Variants in CDC42BPA observed in about 807,000 individuals in gnomAD.
CDC42BPA encodes the protein CDC42 binding protein kinase alpha, also known as serine/threonine-protein kinase MRCK alpha.
Under a neutral mutation model 223.5 loss-of-function variants are expected in CDC42BPA, and 80 were observed. That is an observed-to-expected ratio of 0.36 (90% CI 0.30 to 0.43). CDC42BPA has a LOEUF of 0.43. Ranked by LOEUF, CDC42BPA falls within the 20% of genes least tolerant of loss-of-function variation. The pLI is 1.00. For missense variants in CDC42BPA, 1,743 were observed against 2,099.9 expected, an observed-to-expected ratio of 0.83 and a Z score of 3.32; for synonymous variants, 694 against 718.6, an observed-to-expected ratio of 0.97 and a Z score of 0.55.
At chr1:227,023,824 C>T (rs1275762500) in intron 31 of CDC42BPA, among the ~76,000 whole-genome samples, 5 of 151,986 alleles carry the variant, frequency 3.3e-5, no homozygotes, top group East Asian at 1.9e-4. Flanking sequence ...AAAACATAAA[C>T]GTAATAGGCT....
At chr1:227,062,975 C>G (rs1407843335) in intron 21 of CDC42BPA, among the ~76,000 whole-genome samples, 1 of 152,066 alleles carries the variant, frequency 6.6e-6, no homozygotes, top group Non-Finnish European at 1.5e-5. Context: ...CCGAAACTAT[C>G]TTTGAAAATG....
Position 226,994,899 on chromosome 1 carries a change from G to A in CDC42BPA, c.5057C>T (p.Ser1686Phe). 6.2e-7 allele frequency: 1 copy of A among 1,614,054 alleles called. No homozygotes were observed. Among genetic ancestry groups the A allele is most frequent in the Non-Finnish European group, 8.5e-7 (1 of 1,179,922 alleles). ...AGAGGACAAAGAGCCCTCTGACGGGGAGGGCATGGGCTGCCGCTTGGCACT... is the reference window on the plus strand; with the variant it reads ...AGAGGACAAAGAGCCCTCTGACGGGAAGGGCATGGGCTGCCGCTTGGCACT... ...SYSAKRQPMP[S>F]PSEGSLSSGG... The change falls in exon 36 of 37, where the codon TCC (serine) becomes TTC (phenylalanine). Residue 1686 changes from serine (S) to phenylalanine (F), a missense_variant. Transcript: ENST00000366766. The surrounding 1 kb of genome is among the most constrained non-coding windows in gnomAD (Gnocchi z 4.0).
intron 4 of CDC42BPA, among the ~76,000 whole-genome samples, chr1:227,197,233 T>A (rs977623887): frequency 6.6e-6 from 1 of 152,130 alleles, no homozygotes; most frequent in Non-Finnish European, 1.5e-5. Context: ...TAAAATTTCC[T>A]TTTTTGGTAT....
intron 29 of CDC42BPA, among the ~76,000 whole-genome samples, chr1:227,030,134 CAA>C (rs112837037): frequency 8.4e-5 from 10 of 119,300 alleles, no homozygotes; most frequent in Admixed American, 1.7e-4. Context: ...ACTCTGTCTC[CAA>C]AAAAAAAAAA....
rs1046075003 is a variant in CDC42BPA, at chr1:227,112,670, C to T, written c.1890+1G>A. 2 of 1,613,112 alleles carry T rather than the reference C, an allele frequency of 1.2e-6. No homozygotes were observed. The highest frequency in any genetic ancestry group is 1.7e-5 in the Admixed American group (1 of 59,828). On this transcript the variant is annotated splice_donor_variant, in intron 13 of 36. Coordinates refer to ENST00000366766, the MANE Select transcript of CDC42BPA (RefSeq NM_001394014.1). LOFTEE classifies it high-confidence loss of function. ...ACTACAAAATTTGCCTGACTACTAA[C>T]CTCTTTTTTGGCTCTTTCTGTTCTG...
rs536089931 is a variant in CDC42BPA, at chr1:227,075,388, G to A, written c.2481-1024C>T. On this transcript the variant is annotated intron_variant, in intron 17 of 36. Coordinates refer to ENST00000366766, the MANE Select transcript of CDC42BPA (RefSeq NM_001394014.1). ...TATCTCTTAGAATGTAAACTCCTGAGGAGTCAAATTTATATATATCTTAAA... is the reference window on the plus strand; with the variant it reads ...TATCTCTTAGAATGTAAACTCCTGAAGAGTCAAATTTATATATATCTTAAA... Among the ~76,000 whole-genome samples the A allele has an allele frequency of 2.0e-5, 3 of 152,268 alleles. No individual in the cohort carries two copies. In the East Asian group the frequency reaches 5.8e-4, roughly 29 times the overall value.
At chr1:227,051,378 A>C (rs1673491050) in intron 22 of CDC42BPA, among the ~76,000 whole-genome samples, 4 of 152,224 alleles carry the variant, frequency 2.6e-5, no homozygotes, top group Admixed American at 2.6e-4. Flanking sequence ...AAGTGTAAAC[A>C]CAACACAGTT....
intron 2 of CDC42BPA, among the ~76,000 whole-genome samples, chr1:227,243,362 T>C (rs915673164): frequency 1.3e-5 from 2 of 151,960 alleles, no homozygotes; most frequent in African/African-American, 4.8e-5. Context: ...AAACTGTTTT[T>C]AAAAAATTAA....
chr1:227,104,874 G>A (rs1473361332), intron 14 of CDC42BPA, among the ~76,000 whole-genome samples: 2 of 152,060 alleles, frequency 1.3e-5, no homozygotes, highest in Non-Finnish European at 2.9e-5. Flanking sequence ...TGAACTTCTA[G>A]CCTCCAGAAC....
chr1:227,092,890 T>C (rs1392973522), intron 15 of CDC42BPA, among the ~76,000 whole-genome samples: 1 of 152,208 alleles, frequency 6.6e-6, no homozygotes, highest in East Asian at 1.9e-4. Flanking sequence ...TATTATGCCC[T>C]ATTACCCCTA....
At chr1:227,231,336 T>C (rs1677920483) in intron 2 of CDC42BPA, among the ~76,000 whole-genome samples, 1 of 152,114 alleles carries the variant, frequency 6.6e-6, no homozygotes, top group Admixed American at 6.6e-5. Flanking sequence ...GGCTGCATAG[T>C]ATTCCATGGT....
At chr1:227,149,894 T>G (rs1017937112) in intron 6 of CDC42BPA, among the ~76,000 whole-genome samples, 11 of 152,064 alleles carry the variant, frequency 7.2e-5, no homozygotes, top group African/African-American at 2.7e-4. Flanking sequence ...AAGAATGATA[T>G]AAGACTCGAA....
intron 21 of CDC42BPA, chr1:227,068,579 C>T (rs924784008): frequency 1.0e-5 from 6 of 587,728 alleles, no homozygotes; most frequent in South Asian, 2.9e-5. Flanking sequence ...GACTGCATTA[C>T]TAGGCAAATT....
chr1:227,117,809 CT>C (rs1459043264), intron 12 of CDC42BPA, among the ~76,000 whole-genome samples: 13 of 151,746 alleles, frequency 8.6e-5, no homozygotes, highest in Non-Finnish European at 1.9e-4. Context: ...CCTAAGAACA[CT>C]TTTTAATAAA....
At chr1:227,283,201 A>G (rs1386359819) in intron 1 of CDC42BPA, among the ~76,000 whole-genome samples, 1 of 152,190 alleles carries the variant, frequency 6.6e-6, no homozygotes. Context: ...GTTCCTGGAA[A>G]AGTACATATA....
chr1:227,001,223 C>T (rs946181676), intron 35 of CDC42BPA, among the ~76,000 whole-genome samples: 4 of 152,210 alleles, frequency 2.6e-5, no homozygotes, highest in African/African-American at 9.6e-5. Context: ...GGCTGTCCTT[C>T]TGGAAACATT....
intron 3 of CDC42BPA, among the ~76,000 whole-genome samples, chr1:227,200,499 T>C (rs1671570992): frequency 6.7e-6 from 1 of 150,284 alleles, no homozygotes. Flanking sequence ...TCTATGTGAA[T>C]GGTATAATTT....
At chr1:227,072,534 C>G (rs1391634392) in intron 19 of CDC42BPA, among the ~76,000 whole-genome samples, 1 of 151,922 alleles carries the variant, frequency 6.6e-6, no homozygotes, top group African/African-American at 2.4e-5. Context: ...TGCTTTTACA[C>G]TACAATAGCA....
chr1:227,023,124 C>A, intron 32 of CDC42BPA, 139 bp downstream of exon 32: 2 of 518,368 alleles, frequency 3.9e-6, no homozygotes, highest in South Asian at 2.6e-5. Context: ...TGATAGTGGC[C>A]AACATCATAG....
Sources: gnomAD v4.1 joint callset for allele counts (sites outside exome capture counted in the v4.1 genomes callset) on GRCh38, gnomAD v4.1.1 for gene constraint, Gnocchi (gnomAD v3.1) non-coding constraint, MANE v1.5 for transcripts, NCBI Gene and HGNC (gene_info 2026-07-23, HGNC 2026-07-21) for gene names.